Variants in FAAH2 observed in about 807,000 individuals in gnomAD.
The protein encoded by FAAH2 is fatty-acid amide hydrolase 2.
FAAH2 carries 60 observed loss-of-function variants against 36.9 expected under a neutral mutation model. That is an observed-to-expected ratio of 1.63 (90% confidence interval 1.32 to 2.02). The LOEUF (loss-of-function observed/expected upper bound fraction) is 2.02, where lower values mean the gene tolerates loss of function less well. Ranked by LOEUF, FAAH2 falls within the 30% of genes most tolerant of loss-of-function variation. FAAH2 has a pLI of 0.00. For synonymous variants in FAAH2, 214 were observed against 143.8 expected (o/e 1.49, Z -3.49); for missense variants, 689 against 397.5 (o/e 1.73, Z -6.23).
Position 57,400,718 on chromosome X carries a change from G to A in FAAH2, c.996+19689G>A, listed in dbSNP as rs753367253. On this transcript the variant is annotated intron_variant, in intron 7 of 10. Transcript: ENST00000374900. ...GTAGGCTGAATGCATTTCTCACTGA[G>A]GACCCTGGTGCCTTTGGATAATTTT... Among the ~76,000 whole-genome samples, 4 of 112,504 alleles carry A rather than the reference G, an allele frequency of 3.6e-5. No homozygotes were observed. In the South Asian group the frequency reaches 1.5e-3, roughly 41 times the overall value.
chrX:57,329,421 T>G (rs904782926), intron 3 of FAAH2, among the ~76,000 whole-genome samples: 3 of 111,065 alleles, frequency 2.7e-5, no homozygotes, highest in Non-Finnish European at 3.8e-5. Flanking sequence ...GTCCACTTTT[T>G]GCATGCCTAG....
At chrX:57,209,945 G>GTT in the FAAH2 span, among the ~76,000 whole-genome samples, 13 of 104,352 alleles carry the variant, frequency 1.2e-4, no homozygotes, top group African/African-American at 3.8e-4. Context: ...TAATTATGTG[G>GTT]TTTTTTTTTT....
chrX:57,385,686 C>A (rs1216557104), intron 7 of FAAH2, among the ~76,000 whole-genome samples: 1 of 111,750 alleles, frequency 8.9e-6, no homozygotes, highest in Admixed American at 9.5e-5. Flanking sequence ...CTATTCAAAC[C>A]ATAGGTCAGG....
At chrX:57,134,015 G>A in the FAAH2 span, among the ~76,000 whole-genome samples, 1 of 111,258 alleles carries the variant, frequency 9.0e-6, no homozygotes, top group Non-Finnish European at 1.9e-5. Flanking sequence ...TCTTTCTTTG[G>A]TGTCAGAGGT....
chrX:57,220,305 A>G, the FAAH2 span, among the ~76,000 whole-genome samples: 48,360 of 107,927 alleles, frequency 0.45, 11,207 homozygotes, highest in African/African-American at 0.88. Flanking sequence ...CCCTCCTCAG[A>G]ACAATTCTAA....
the FAAH2 span, among the ~76,000 whole-genome samples, chrX:57,217,470 A>G: frequency 5.4e-5 from 6 of 111,755 alleles, no homozygotes; most frequent in Non-Finnish European, 1.1e-4. Context: ...AAGGTGAGAG[A>G]TGAGGATCCA....
At chrX:57,429,663 A>G (rs1437207272) in intron 7 of FAAH2, among the ~76,000 whole-genome samples, 2 of 111,947 alleles carry the variant, frequency 1.8e-5, no homozygotes, top group African/African-American at 6.5e-5. Context: ...CATTCTATGC[A>G]ATAATTCCAC....
Position 57,286,712 on chromosome X carries a change from T to A in FAAH2, c.-114T>A, listed in dbSNP as rs917889280. ...CTCCTGTGGAATTGTGGGTAGACAC[T>A]GGACTTGTAAACGAAAAGCTTCATA... is the stretch of plus-strand genomic sequence containing the variant. On this transcript the variant is annotated 5_prime_UTR_variant, in exon 1 of 11. Transcript: ENST00000374900. 63 of 764,309 alleles carry A rather than the reference T, an allele frequency of 8.2e-5. No homozygotes were observed. The African/African-American group carries it at 1.2e-3, about 15-fold the overall frequency. The allele number at this position is 764,309 out of a possible 1,213,427, so 63.0% of individuals were successfully genotyped here.
At chrX:57,347,839 G>T (rs1360952183) in intron 5 of FAAH2, among the ~76,000 whole-genome samples, 5 of 108,820 alleles carry the variant, frequency 4.6e-5, no homozygotes, top group African/African-American at 6.8e-5. Context: ...CTGTATACTG[G>T]CAAAAAATTT....
chrX:57,420,384 CTT>C (rs2055983616), intron 7 of FAAH2, among the ~76,000 whole-genome samples: 2 of 111,670 alleles, frequency 1.8e-5, no homozygotes, highest in East Asian at 5.6e-4. Context: ...TTTGTATCCT[CTT>C]TTATTTCCTT....
At chrX:57,443,431 G>C (rs990241668) in intron 8 of FAAH2, among the ~76,000 whole-genome samples, 8 of 112,107 alleles carry the variant, frequency 7.1e-5, no homozygotes, top group East Asian at 2.8e-4. Flanking sequence ...TCATCACGTA[G>C]TTCTCGTGCC....
intron 7 of FAAH2, among the ~76,000 whole-genome samples, chrX:57,386,719 A>T (rs906066888): frequency 9.0e-6 from 1 of 111,531 alleles, no homozygotes; most frequent in African/African-American, 3.3e-5. Context: ...GCTGGCCTGA[A>T]ATTCATGTGT....
chrX:57,414,893 C>T (rs1190948193), intron 7 of FAAH2, among the ~76,000 whole-genome samples: 2 of 99,906 alleles, frequency 2.0e-5, no homozygotes, highest in Non-Finnish European at 4.0e-5. Context: ...TTAATTACTG[C>T]CTCAATTTCA....
At chrX:57,242,106 C>A in the FAAH2 span, among the ~76,000 whole-genome samples, 2 of 112,711 alleles carry the variant, frequency 1.8e-5, no homozygotes, top group Non-Finnish European at 3.8e-5. Flanking sequence ...GGGAGCTCCA[C>A]TAAGGGACAG....
intron 10 of FAAH2, chrX:57,452,454 C>A (rs1242614295): frequency 6.3e-6 from 2 of 319,055 alleles, no homozygotes; most frequent in Non-Finnish European, 8.2e-6. Flanking sequence ...GTCACCTCCC[C>A]AATTGATAAG....
chrX:57,325,080 G>A (rs971338682), intron 3 of FAAH2, among the ~76,000 whole-genome samples: 4 of 112,119 alleles, frequency 3.6e-5, no homozygotes, highest in African/African-American at 9.7e-5. Flanking sequence ...GGCCTTTTCT[G>A]CATCTATTGA....
chrX:57,213,085 T>C, the FAAH2 span, among the ~76,000 whole-genome samples: 147 of 111,525 alleles, frequency 1.3e-3, 1 homozygote, highest in Middle Eastern at 4.7e-3. Flanking sequence ...CAGGAATTGA[T>C]AAATTTCTCT....
intron 9 of FAAH2, 122 bp from the exon 10 acceptor site, chrX:57,448,402 C>T: frequency 1.5e-6 from 1 of 672,377 alleles, no homozygotes; most frequent in Non-Finnish European, 2.1e-6. Flanking sequence ...TTTCCTTTTC[C>T]ATCACTTACT....
intron 7 of FAAH2, among the ~76,000 whole-genome samples, chrX:57,423,652 C>T (rs2056089988): frequency 1.8e-5 from 2 of 111,015 alleles, no homozygotes; most frequent in South Asian, 7.7e-4. Flanking sequence ...TTCACTCCTT[C>T]CTGGAGCATT....
Sources: allele counts gnomAD v4.1 joint callset (sites outside exome capture counted in the v4.1 genomes callset), GRCh38; gene constraint gnomAD v4.1.1; transcripts MANE v1.5; gene names NCBI Gene and HGNC (gene_info 2026-07-23, HGNC 2026-07-21).